STAU2: variants seen among roughly 807,000 people sequenced by gnomAD.
STAU2 encodes the protein double-stranded RNA-binding protein Staufen homolog 2.
STAU2 carries 20 observed loss-of-function variants against 65.9 expected under a neutral mutation model. The observed-to-expected ratio is 0.30, with a 90% CI of 0.21 to 0.44. The LOEUF (loss-of-function observed/expected upper bound fraction) is 0.44, where lower values mean the gene tolerates loss of function less well. STAU2 is among the 20% of genes least tolerant of loss of function. The pLI, the probability that STAU2 is intolerant of heterozygous loss-of-function variation, is 1.00. For synonymous variants in STAU2, 232 were observed against 233.9 expected (o/e 0.99, Z 0.07); for missense variants, 558 against 683.9 (o/e 0.82, Z 2.05).
intron 9 of STAU2, among the ~76,000 whole-genome samples, chr8:73,607,930 A>C (rs921173789): frequency 6.6e-6 from 1 of 152,150 alleles, no homozygotes; most frequent in Non-Finnish European, 1.5e-5. Flanking sequence ...ACTCTGTTAC[A>C]GATTACACGT....
Position 73,742,331 on chromosome 8 carries a change from G to A in STAU2, c.-196-2463C>T, listed in dbSNP as rs568705203. On this transcript the variant is annotated intron_variant, in intron 1 of 14. Transcript: ENST00000524300. ...ACGGATCACCTGAGGTCAGGAGTTC[G>A]AGACTAGCCTGGCGAACACGGCAAA... 161 of 661,100 alleles carry A rather than the reference G, an allele frequency of 2.4e-4. 1 individual carries two copies. The African/African-American group carries it at 2.8e-3, about 12-fold the overall frequency. The allele number at this position is 661,100 out of a possible 1,614,324, so 41.0% of individuals were successfully genotyped here.
intron 6 of STAU2, among the ~76,000 whole-genome samples, chr8:73,644,440 G>A (rs180946924): frequency 1.1e-4 from 16 of 149,174 alleles, no homozygotes; most frequent in Admixed American, 1.0e-3. Context: ...GTAAGATCCT[G>A]TCTCTTAAAA....
chr8:73,652,487 C>G (rs1280034385), intron 6 of STAU2: 1 of 152,024 alleles, frequency 6.6e-6, no homozygotes, highest in Non-Finnish European at 1.5e-5. Context: ...GCACACAGAT[C>G]ACGAGATCAG....
intron 9 of STAU2, among the ~76,000 whole-genome samples, chr8:73,609,969 A>C (rs1812324262): frequency 6.6e-6 from 1 of 152,114 alleles, no homozygotes; most frequent in Admixed American, 6.5e-5. Context: ...ATAATGATGG[A>C]GTTCAGTGTA....
intron 13 of STAU2, among the ~76,000 whole-genome samples, chr8:73,499,094 G>A (rs576422026): frequency 2.0e-5 from 3 of 151,914 alleles, no homozygotes; most frequent in African/African-American, 4.8e-5. Context: ...GTTCCATCCT[G>A]CTGGCCCACC....
chr8:73,421,166 C>T lies in STAU2; in HGVS notation c.*206G>A, dbSNP rs576160250. The stretch of plus-strand genomic sequence containing the variant: ...AGGCAAATGAGTTATGATCTGATCT[C>T]GAGTTCCAAGGGAAATGCTCAAAGT... On this transcript the variant is annotated 3_prime_UTR_variant, in exon 15 of 15. Coordinates refer to ENST00000524300, the MANE Select transcript of STAU2 (RefSeq NM_001164380.2). 13 of 519,876 alleles carry T rather than the reference C, an allele frequency of 2.5e-5. No individual in the cohort carries two copies. The highest frequency in any genetic ancestry group is 4.0e-5 in the Non-Finnish European group (12 of 296,704). The allele number at this position is 519,876 out of a possible 1,614,324, so 32.2% of individuals were successfully genotyped here. A position where few individuals can be genotyped will look rare whatever the true frequency, so the allele number is the denominator to read the frequency against.
intron 13 of STAU2, among the ~76,000 whole-genome samples, chr8:73,515,773 CTTTTTTTTTTTTT>C (rs75132374): frequency 4.4e-5 from 4 of 90,936 alleles, no homozygotes; most frequent in Admixed American, 2.5e-4. Context: ...AAAAATTTCT[CTTTTTTTTTTTTT>C]TTTTTTTTTT....
rs958808674 is a variant in STAU2, at chr8:73,628,751, G to A, written c.411-11300C>T. Among the ~76,000 whole-genome samples the A allele has an allele frequency of 2.6e-5, 4 of 152,022 alleles. No individual in the cohort carries two copies. The South Asian group carries it at 8.3e-4, about 32-fold the overall frequency. On this transcript the variant is annotated intron_variant, in intron 6 of 14. Coordinates refer to ENST00000524300, the MANE Select transcript of STAU2 (RefSeq NM_001164380.2). ...AAACATACTGGATTTTTTAAAAGAGGGTTTACACTCTTTTTCGATAAATTA... is the reference window on the plus strand; with the variant it reads ...AAACATACTGGATTTTTTAAAAGAGAGTTTACACTCTTTTTCGATAAATTA...
rs532278628 is a variant in STAU2, at chr8:73,613,617, C to T, written c.891+127G>A. On this transcript the variant is annotated intron_variant, in intron 9 of 14. Transcript: ENST00000524300. ...TGTCATTAATTTATAGTCACATGTC[C>T]TGCCCTCATTTCAGGACTGTATATA... 1,203 of 621,360 alleles carry T rather than the reference C, an allele frequency of 1.9e-3. 5 individuals carry two copies. Among genetic ancestry groups the T allele is most frequent in the Non-Finnish European group, 1.2e-3 (471 of 383,260 alleles). 38.5% of individuals were successfully genotyped at this position (621,360 alleles called of 1,614,324 possible). A position where few individuals can be genotyped will look rare whatever the true frequency, so the allele number is the denominator to read the frequency against.
At chr8:73,737,424 G>T (rs773802837) in intron 3 of STAU2, among the ~76,000 whole-genome samples, 1 of 152,132 alleles carries the variant, frequency 6.6e-6, no homozygotes, top group Non-Finnish European at 1.5e-5. Flanking sequence ...GCCCGCCTTG[G>T]CCTCCCAAAG....
At chr8:73,727,156 G>T (rs1025678657) in intron 3 of STAU2, among the ~76,000 whole-genome samples, 4 of 152,106 alleles carry the variant, frequency 2.6e-5, no homozygotes, top group African/African-American at 7.2e-5. Context: ...CTTGAACCCG[G>T]GAGGCAGAGG....
At chr8:73,602,685 C>T (rs559117526) in intron 10 of STAU2, among the ~76,000 whole-genome samples, 2 of 149,670 alleles carry the variant, frequency 1.3e-5, no homozygotes, top group African/African-American at 4.9e-5. Context: ...ATCATGCCAC[C>T]GTACTCCAGC....
upstream of STAU2, chr8:73,747,161 C>A: frequency 2.0e-6 from 1 of 498,222 alleles, no homozygotes; most frequent in Non-Finnish European, 3.4e-6. Flanking sequence ...GGCCCCTGGG[C>A]GAGGGCCATT....
intron 12 of STAU2, among the ~76,000 whole-genome samples, chr8:73,554,342 C>T (rs1456894852): frequency 6.6e-6 from 1 of 152,202 alleles, no homozygotes; most frequent in Non-Finnish European, 1.5e-5. Flanking sequence ...CCACCAGCCA[C>T]CTCTTTCTTC....
chr8:73,689,784 C>A (rs1489074447), intron 4 of STAU2, among the ~76,000 whole-genome samples: 5 of 151,934 alleles, frequency 3.3e-5, no homozygotes, highest in South Asian at 2.1e-4. Flanking sequence ...ATAGAAAATA[C>A]CTTCACTAAG....
intron 4 of STAU2, among the ~76,000 whole-genome samples, chr8:73,706,861 T>C (rs889781256): frequency 4.6e-5 from 7 of 152,170 alleles, no homozygotes; most frequent in African/African-American, 1.4e-4. Context: ...ACCCCAGCAG[T>C]GAGACAAGGA....
At chr8:73,710,674 AT>A (rs1412368186) in intron 3 of STAU2, among the ~76,000 whole-genome samples, 5 of 151,776 alleles carry the variant, frequency 3.3e-5, no homozygotes, top group Admixed American at 2.6e-4. Flanking sequence ...TTTAACCTAT[AT>A]TTTTCCTTTC....
At chr8:73,549,638 T>C in intron 13 of STAU2, 1 of 985,134 alleles carries the variant, frequency 1.0e-6, no homozygotes, top group Non-Finnish European at 1.2e-6. Context: ...TACTTTGTAA[T>C]ACAATATAGC....
At chr8:73,482,585 T>A (rs1325768239) in intron 13 of STAU2, among the ~76,000 whole-genome samples, 1 of 152,160 alleles carries the variant, frequency 6.6e-6, no homozygotes, top group Non-Finnish European at 1.5e-5. Flanking sequence ...CTGCCCTGCA[T>A]TTAACATAGA....
Sources: gnomAD v4.1 joint callset for allele counts (sites outside exome capture counted in the v4.1 genomes callset) on GRCh38, gnomAD v4.1.1 for gene constraint, MANE v1.5 for transcripts, NCBI Gene and HGNC (gene_info 2026-07-23, HGNC 2026-07-21) for gene names.